Variants in ZNF624 observed in about 807,000 individuals in gnomAD.
The protein encoded by ZNF624 is zinc finger protein 624.
Under a neutral mutation model 74.7 loss-of-function variants are expected in ZNF624, and 43 were observed. That is an observed-to-expected ratio of 0.58 (90% CI 0.45 to 0.74). The LOEUF (loss-of-function observed/expected upper bound fraction) is 0.74, where lower values mean the gene tolerates loss of function less well. Among genes scored for constraint, ZNF624 ranks in the 30% least tolerant of loss-of-function variants. ZNF624 has a pLI of 0.00. For synonymous variants in ZNF624, 331 were observed against 341.3 expected (o/e 0.97, Z 0.33); for missense variants, 820 against 1,030.0 (o/e 0.80, Z 2.79).
chr17:16,635,167 CTT>C, intron 3 of ZNF624, among the ~76,000 whole-genome samples: 1 of 152,272 alleles, frequency 6.6e-6, no homozygotes, highest in South Asian at 2.1e-4. Flanking sequence ...TATCAATTTT[CTT>C]TCAGTTCTAA....
intron 3 of ZNF624, among the ~76,000 whole-genome samples, chr17:16,638,036 A>G (rs1040668620): frequency 1.3e-5 from 2 of 152,134 alleles, no homozygotes; most frequent in East Asian, 1.9e-4. Flanking sequence ...AAACAACCCC[A>G]TCAAAAGGTG....
intron 3 of ZNF624, among the ~76,000 whole-genome samples, chr17:16,640,179 A>G (rs1909434178): frequency 6.6e-6 from 1 of 152,222 alleles, no homozygotes; most frequent in African/African-American, 2.4e-5. Context: ...CTCACCTAAC[A>G]AAAGAGTCCC....
intron 3 of ZNF624, among the ~76,000 whole-genome samples, chr17:16,637,503 T>C (rs1432767301): frequency 1.3e-5 from 2 of 152,186 alleles, no homozygotes; most frequent in Admixed American, 1.3e-4. Flanking sequence ...AGCATGGTAC[T>C]GGTACCAAAA....
At chr17:16,616,872 C>T (rs1908802145), downstream of ZNF624, 1 of 1,385,784 alleles carries the variant, frequency 7.2e-7, no homozygotes, top group South Asian at 1.4e-5. Flanking sequence ...TCGACCTGGA[C>T]CTTGATCTTG....
chr17:16,617,855 T>C (rs2142556663), downstream of ZNF624: 20 of 1,610,268 alleles, frequency 1.2e-5, no homozygotes, highest in Non-Finnish European at 1.7e-5. Context: ...CGTTGTAGCT[T>C]AGGCGTCCTA....
At chr17:16,629,050 T>C (rs540125068) in intron 5 of ZNF624, among the ~76,000 whole-genome samples, 41 of 151,584 alleles carry the variant, frequency 2.7e-4, no homozygotes, top group African/African-American at 9.7e-4. Flanking sequence ...ATACAAAAAT[T>C]AGCTGAGCGT....
chr17:16,615,337 T>C, the ZNF624 span, among the ~76,000 whole-genome samples: 2 of 152,134 alleles, frequency 1.3e-5, no homozygotes, highest in African/African-American at 2.4e-5. Flanking sequence ...GACCTCGTGG[T>C]CTGCCCGCCT....
chr17:16,644,300 C>G (rs1013224322), intron 3 of ZNF624, among the ~76,000 whole-genome samples: 2 of 152,148 alleles, frequency 1.3e-5, no homozygotes, highest in Non-Finnish European at 2.9e-5. Flanking sequence ...GCATTTTGAT[C>G]TTGTGAAAGT....
chr17:16,649,052 A>T (rs1909658880), intron 2 of ZNF624, among the ~76,000 whole-genome samples: 3 of 152,130 alleles, frequency 2.0e-5, no homozygotes, highest in Non-Finnish European at 4.4e-5. Flanking sequence ...TTTACATAGC[A>T]CTCATCTTTA....
At chr17:16,640,656 A>T (rs1221378592) in intron 3 of ZNF624, among the ~76,000 whole-genome samples, 1 of 152,214 alleles carries the variant, frequency 6.6e-6, no homozygotes, top group Non-Finnish European at 1.5e-5. Context: ...TGAAATGGAC[A>T]AATTCGTAGA....
At chr17:16,615,761 T>C (rs28465319), downstream of ZNF624, among the ~76,000 whole-genome samples, 35,402 of 151,580 alleles carry the variant, frequency 0.23, 4,607 homozygotes, top group East Asian at 0.36. Flanking sequence ...ACAAATCCTA[T>C]TTCTGGAGGT....
chr17:16,652,028 G>C (rs1368793059), intron 1 of ZNF624, among the ~76,000 whole-genome samples: 1 of 152,086 alleles, frequency 6.6e-6, no homozygotes, highest in Non-Finnish European at 1.5e-5. Context: ...GTGAAGGAGT[G>C]GGAGGGGGGT....
chr17:16,650,796 G>T (rs763369764), intron 1 of ZNF624, among the ~76,000 whole-genome samples: 4 of 152,184 alleles, frequency 2.6e-5, no homozygotes, highest in Non-Finnish European at 5.9e-5. Context: ...ATATGGTCCT[G>T]CAAGTAGGGC....
Position 16,624,106 on chromosome 17 carries a change from A to G in ZNF624, c.780T>C (p.Thr260=). 1.9e-6 allele frequency: 3 copies of G among 1,614,128 alleles called. No individual in the cohort carries two copies. Among genetic ancestry groups the G allele is most frequent in the South Asian group, 2.2e-5 (2 of 91,078 alleles). ...EMKGSKAIRQ[T]SELTLGKKSN... ...ATTTTTTCCCCAAAGTTAGTTCTGA[A>G]GTCTGCCTTATGGCTTTGCTGCCTT... The change falls in exon 6 of 6, where the codon ACT becomes ACC. Residue 260 remains threonine, a synonymous_variant. Coordinates refer to ENST00000311331, the MANE Select transcript of ZNF624 (RefSeq NM_020787.4).
intron 5 of ZNF624, chr17:16,631,298 G>C (rs532993057): frequency 6.6e-6 from 1 of 152,068 alleles, no homozygotes; most frequent in Non-Finnish European, 1.5e-5. Flanking sequence ...GAAAATCAAC[G>C]ATCTAAGTAC....
chr17:16,652,037 G>C (rs140398121), intron 1 of ZNF624, among the ~76,000 whole-genome samples: 12 of 152,004 alleles, frequency 7.9e-5, no homozygotes, highest in Non-Finnish European at 1.5e-4. Flanking sequence ...TGGGAGGGGG[G>C]TGGAGAATAA....
chr17:16,618,670 A>C (rs1908838902), downstream of ZNF624, among the ~76,000 whole-genome samples: 1 of 144,000 alleles, frequency 6.9e-6, no homozygotes, highest in African/African-American at 2.7e-5. Flanking sequence ...AGACAGCAAG[A>C]CCAACCCCTC....
In ZNF624 at chr17:16,633,898, C is replaced by T; in HGVS notation, c.340G>A (p.Val114Met). The T allele has an allele frequency of 6.2e-7, 1 of 1,613,718 alleles. No homozygotes were observed. Among genetic ancestry groups the T allele is most frequent in the Non-Finnish European group, 8.5e-7 (1 of 1,179,738 alleles). ...ATTCTTGAAATTTCTCTCACCGTCA[C>T]CCATGGTCCTTTCCCATTCTCCAAA... ...SHLENGKGPW[V>M]TVREISRIPY... is the part of the protein sequence containing the mutation. The change falls in exon 5 of 6, where the codon GTG becomes ATG. Residue 114 changes from valine (V) to methionine (M), a missense_variant. Val to Met is a conservative substitution (Grantham distance 21, BLOSUM62 1). Transcript: ENST00000311331.
rs1222967679 is a variant in ZNF624 at position 16,649,639 on chromosome 17, A to G, written c.87+19T>C. 6.2e-7 allele frequency: 1 copy of G among 1,611,770 alleles called. No individual in the cohort carries two copies. The highest frequency in any genetic ancestry group is 1.1e-5 in the South Asian group (1 of 90,996). On this transcript the variant is annotated intron_variant, in intron 2 of 5. Transcript: ENST00000311331. ...CTCAAACCAAGATAGTAGGTCAAAA[A>G]CAGGGAATCCCAACTTACCAGGCGT...
Sources: gnomAD v4.1 joint callset for allele counts (sites outside exome capture counted in the v4.1 genomes callset) on GRCh38, gnomAD v4.1.1 for gene constraint, MANE v1.5 for transcripts, NCBI Gene and HGNC (gene_info 2026-07-23, HGNC 2026-07-21) for gene names.